Variants in SETBP1 observed in about 807,000 individuals in gnomAD.
SETBP1 encodes the protein SET binding protein 1, also known as SET-binding protein.
In SETBP1, 9 loss-of-function variants were observed where a neutral mutation model predicts 101.0. The ratio of observed to expected loss-of-function variants is 0.09; its 90% confidence interval spans 0.05 to 0.16. The LOEUF is 0.16. Among genes scored for constraint, SETBP1 ranks in the 10% least tolerant of loss-of-function variants. The pLI is 1.00. For missense variants in SETBP1, 1,858 were observed against 2,033.8 expected, an observed-to-expected ratio of 0.91 and a Z score of 1.66; for synonymous variants, 818 against 788.5, an observed-to-expected ratio of 1.04 and a Z score of -0.63.
chr18:44,980,228 T>C (rs1452674559), intron 4 of SETBP1, among the ~76,000 whole-genome samples: 1 of 152,186 alleles, frequency 6.6e-6, no homozygotes, highest in East Asian at 1.9e-4. Context: ...AGGACATGTA[T>C]TTTATAAATT....
At chr18:44,692,314 T>C (rs1429886342) in intron 1 of SETBP1, among the ~76,000 whole-genome samples, 1 of 152,252 alleles carries the variant, frequency 6.6e-6, no homozygotes, top group East Asian at 1.9e-4. Flanking sequence ...ATCCTTGAGG[T>C]AGGATTATTA....
chr18:45,032,356 A>G (rs2073314538), intron 4 of SETBP1, among the ~76,000 whole-genome samples: 1 of 152,182 alleles, frequency 6.6e-6, no homozygotes, highest in Admixed American at 6.5e-5. Flanking sequence ...CTGTGAAGAC[A>G]GAGATCACAA....
At chr18:44,937,489 T>C (rs1281323100) in intron 3 of SETBP1, among the ~76,000 whole-genome samples, 1 of 149,554 alleles carries the variant, frequency 6.7e-6, no homozygotes, top group Non-Finnish European at 1.5e-5. Context: ...TAGGCACTAC[T>C]GCTAGTTTCT....
intron 2 of SETBP1, among the ~76,000 whole-genome samples, chr18:44,868,939 G>A (rs1468568832): frequency 6.6e-6 from 1 of 152,108 alleles, no homozygotes; most frequent in African/African-American, 2.4e-5. Context: ...CCTGATGAAG[G>A]CCATCCATAG....
chr18:44,999,736 T>C (rs1242746692), intron 4 of SETBP1, among the ~76,000 whole-genome samples: 1 of 152,210 alleles, frequency 6.6e-6, no homozygotes, highest in Non-Finnish European at 1.5e-5. Flanking sequence ...ACCAGTTGAT[T>C]CAATTTTTCT....
chr18:44,695,646 A>T (rs531945711), intron 1 of SETBP1, among the ~76,000 whole-genome samples: 2 of 152,306 alleles, frequency 1.3e-5, no homozygotes, highest in South Asian at 2.1e-4. Context: ...AGGACTGAGG[A>T]TGAAGAGCTT....
chr18:45,005,459 A>G (rs901010676), intron 4 of SETBP1, among the ~76,000 whole-genome samples: 3 of 152,100 alleles, frequency 2.0e-5, no homozygotes, highest in Non-Finnish European at 4.4e-5. Context: ...TCCAGAAGGT[A>G]TACACTGGAT....
At chr18:45,000,932 T>G (rs914396199) in intron 4 of SETBP1, among the ~76,000 whole-genome samples, 1 of 152,086 alleles carries the variant, frequency 6.6e-6, no homozygotes, top group Non-Finnish European at 1.5e-5. Flanking sequence ...GAGGACAGGA[T>G]GTATTGAAAG....
At chr18:45,005,848 G>T (rs1437099247) in intron 4 of SETBP1, among the ~76,000 whole-genome samples, 1 of 149,356 alleles carries the variant, frequency 6.7e-6, no homozygotes, top group East Asian at 2.0e-4. Flanking sequence ...GGGTTTCACT[G>T]TGTTAGCCAG....
chr18:44,681,239 G>C (rs2068754677), intron 1 of SETBP1, among the ~76,000 whole-genome samples: 1 of 152,294 alleles, frequency 6.6e-6, no homozygotes, highest in South Asian at 2.1e-4. Context: ...CCGTTCGGTG[G>C]TTTCCAGTGG....
intron 2 of SETBP1, among the ~76,000 whole-genome samples, chr18:44,738,945 G>A (rs1327971477): frequency 6.6e-6 from 1 of 152,078 alleles, no homozygotes; most frequent in African/African-American, 2.4e-5. Flanking sequence ...GGGCCTCACT[G>A]GGCTCAAATC....
intron 3 of SETBP1, among the ~76,000 whole-genome samples, chr18:44,876,254 T>A (rs1179774334): frequency 9.9e-5 from 15 of 152,090 alleles, no homozygotes; most frequent in Admixed American, 9.8e-4. Flanking sequence ...TTTCACCACA[T>A]AATATTTACT....
At chr18:44,842,137 G>A (rs1432201381) in intron 2 of SETBP1, among the ~76,000 whole-genome samples, 1 of 152,216 alleles carries the variant, frequency 6.6e-6, no homozygotes, top group Non-Finnish European at 1.5e-5. Flanking sequence ...GAAATGGGAA[G>A]AGAGTGTCCA....
At chr18:45,043,743 A>G (rs1051173258) in intron 5 of SETBP1, among the ~76,000 whole-genome samples, 1 of 152,236 alleles carries the variant, frequency 6.6e-6, no homozygotes, top group Admixed American at 6.5e-5. Flanking sequence ...CCATCAGTCG[A>G]ATCAGAACTA....
At chr18:44,777,642 C>T (rs979737302) in intron 2 of SETBP1, among the ~76,000 whole-genome samples, 3 of 152,174 alleles carry the variant, frequency 2.0e-5, no homozygotes, top group African/African-American at 7.2e-5. Context: ...AAACTGAGGA[C>T]ACAGGAGGTT....
chr18:44,935,299 C>CA (rs1401041579), intron 3 of SETBP1, among the ~76,000 whole-genome samples: 2 of 151,924 alleles, frequency 1.3e-5, no homozygotes, highest in South Asian at 2.1e-4. Flanking sequence ...GCCCTAATGG[C>CA]AAAAAACACC....
rs1249953663 is a variant in SETBP1, at chr18:45,066,749, G to A, written c.*3051G>A. The A allele has an allele frequency of 6.6e-6, 1 of 151,184 alleles. No homozygotes were observed. The highest frequency in any genetic ancestry group is 1.5e-5 in the Non-Finnish European group (1 of 67,912). 9.4% of individuals were successfully genotyped at this position (151,184 alleles called of 1,614,324 possible). On this transcript the variant is annotated 3_prime_UTR_variant, in exon 6 of 6. Coordinates refer to ENST00000649279, the MANE Select transcript of SETBP1 (RefSeq NM_015559.3). ...AGCTTCACAAAATATTTCATTATAA[G>A]AGAAACCCCTTGATTTTTATTTCTT...
At chr18:45,048,657 A>G (rs1003587884) in intron 5 of SETBP1, among the ~76,000 whole-genome samples, 1 of 152,060 alleles carries the variant, frequency 6.6e-6, no homozygotes, top group Non-Finnish European at 1.5e-5. Context: ...ACTGCACTCA[A>G]TTCTATGAAT....
At chr18:44,858,276 A>G (rs1189840186) in intron 2 of SETBP1, among the ~76,000 whole-genome samples, 1 of 152,242 alleles carries the variant, frequency 6.6e-6, no homozygotes, top group East Asian at 1.9e-4. Flanking sequence ...CTCAGTCCTC[A>G]AAGAGCTCCC....
Sources: gnomAD v4.1 joint callset for allele counts (sites outside exome capture counted in the v4.1 genomes callset) on GRCh38, gnomAD v4.1.1 for gene constraint, MANE v1.5 for transcripts, NCBI Gene and HGNC (gene_info 2026-07-23, HGNC 2026-07-21) for gene names.